Variants in RABL3 observed in about 807,000 individuals in gnomAD.
RABL3 encodes the protein rab-like protein 3.
RABL3 carries 31 observed loss-of-function variants against 31.8 expected under a neutral mutation model. That is an observed-to-expected ratio of 0.97 (90% CI 0.73 to 1.31). RABL3 has a LOEUF of 1.31. RABL3 is among the 40% of genes most tolerant of loss of function. The pLI is 0.00. For synonymous variants in RABL3, 97 were observed against 99.9 expected (o/e 0.97, Z 0.18); for missense variants, 263 against 279.6 (o/e 0.94, Z 0.42).
At chr3:120,697,309 C>T (rs889272996) in intron 5 of RABL3, among the ~76,000 whole-genome samples, 2 of 152,188 alleles carry the variant, frequency 1.3e-5, no homozygotes, top group Admixed American at 6.5e-5. Context: ...GGTCTTGTTA[C>T]GTCTCTCCTT....
intron 2 of RABL3, among the ~76,000 whole-genome samples, chr3:120,725,807 G>A: frequency 6.6e-6 from 1 of 152,102 alleles, no homozygotes; most frequent in African/African-American, 2.4e-5. Flanking sequence ...TGGGGAGGAG[G>A]GAGCGGGGAG....
intron 2 of RABL3, among the ~76,000 whole-genome samples, chr3:120,718,242 A>T (rs906798216): frequency 2.0e-5 from 3 of 152,174 alleles, no homozygotes; most frequent in African/African-American, 7.2e-5. Flanking sequence ...CCTCTCAGAT[A>T]GATGCTGTTC....
In RABL3 at chr3:120,685,399, G is replaced by T. The variant is rs6801736; in HGVS notation, c.*4424C>A. On this transcript the variant is annotated 3_prime_UTR_variant, in exon 8 of 8. Coordinates refer to ENST00000273375, the MANE Select transcript of RABL3 (RefSeq NM_173825.5). ...CCATTCTTTGTCATTAGTTATTGATGACCTCGGTAAAGCTTAGTGATTAGC... is the reference window on the plus strand; with the variant it reads ...CCATTCTTTGTCATTAGTTATTGATTACCTCGGTAAAGCTTAGTGATTAGC... Among the ~76,000 whole-genome samples the T allele has an allele frequency of 0.25, 38,420 of 152,066 alleles. 5,807 individuals carry two copies. The highest frequency in any genetic ancestry group is 0.42 in the African/African-American group (17,294 of 41,414).
chr3:120,713,091 T>C (rs1708630347), intron 2 of RABL3, among the ~76,000 whole-genome samples: 1 of 152,090 alleles, frequency 6.6e-6, no homozygotes, highest in Non-Finnish European at 1.5e-5. Flanking sequence ...GGACTATAAC[T>C]CCTCTGAGAA....
upstream of RABL3, chr3:120,742,574 A>G: frequency 6.6e-7 from 1 of 1,514,576 alleles, no homozygotes; most frequent in Non-Finnish European, 9.2e-7. Context: ...TTGGGCATGG[A>G]GGGCAGAGCC....
At chr3:120,730,291 C>A (rs1485520151) in intron 2 of RABL3, among the ~76,000 whole-genome samples, 1 of 152,186 alleles carries the variant, frequency 6.6e-6, no homozygotes, top group Non-Finnish European at 1.5e-5. Context: ...CAAGATGGAA[C>A]AAATGACCCA....
chr3:120,733,148 A>T (rs1281936630), intron 1 of RABL3, among the ~76,000 whole-genome samples: 2 of 152,186 alleles, frequency 1.3e-5, no homozygotes. Flanking sequence ...ACTCTCTTCC[A>T]CAATGGATGA....
At chr3:120,693,752 T>C (rs1444931615) in intron 6 of RABL3, among the ~76,000 whole-genome samples, 2 of 152,164 alleles carry the variant, frequency 1.3e-5, no homozygotes, top group Admixed American at 6.5e-5. Flanking sequence ...AACATTTATG[T>C]AGAGAATATT....
At chr3:120,729,129 A>C (rs1427768703) in intron 2 of RABL3, among the ~76,000 whole-genome samples, 1 of 152,192 alleles carries the variant, frequency 6.6e-6, no homozygotes, top group Non-Finnish European at 1.5e-5. Flanking sequence ...AACATTGTCC[A>C]TAGGCTCAGG....
At chr3:120,740,407 T>C (rs1231142050) in intron 1 of RABL3, among the ~76,000 whole-genome samples, 2 of 152,114 alleles carry the variant, frequency 1.3e-5, no homozygotes, top group East Asian at 1.9e-4. Context: ...ACTACAGGCG[T>C]GCACCACCAT....
chr3:120,692,229 T>G (rs1242876101), intron 6 of RABL3, among the ~76,000 whole-genome samples: 2 of 152,066 alleles, frequency 1.3e-5, no homozygotes, highest in East Asian at 3.9e-4. Context: ...GATGGAGTCC[T>G]GCTCTGTCAC....
chr3:120,742,400 G>A, intron 1 of RABL3, 62 bp downstream of exon 1: 1 of 1,506,124 alleles, frequency 6.6e-7, no homozygotes, highest in South Asian at 1.1e-5. Flanking sequence ...AGGAAGCTAA[G>A]GGGAGGGTTA....
At chr3:120,715,426 T>C (rs1404615414) in intron 2 of RABL3, among the ~76,000 whole-genome samples, 1 of 152,074 alleles carries the variant, frequency 6.6e-6, no homozygotes. Flanking sequence ...TAATCTCAGC[T>C]ACTCAGGAGG....
intron 2 of RABL3, among the ~76,000 whole-genome samples, chr3:120,719,151 T>C (rs902712220): frequency 5.3e-5 from 8 of 152,166 alleles, no homozygotes; most frequent in Non-Finnish European, 8.8e-5. Context: ...AATTACAAAA[T>C]ATACTTTGTT....
At chr3:120,707,558 T>C (rs1708563178) in intron 3 of RABL3, among the ~76,000 whole-genome samples, 1 of 152,104 alleles carries the variant, frequency 6.6e-6, no homozygotes. Flanking sequence ...GGGCACATGG[T>C]AAGTCAGAAT....
rs1012489763 is a variant in RABL3, at chr3:120,686,142, C to A, written c.*3681G>T. On this transcript the variant is annotated 3_prime_UTR_variant, in exon 8 of 8. Coordinates refer to ENST00000273375, the MANE Select transcript of RABL3 (RefSeq NM_173825.5). ...TCCTGCGACCCTTCCTCTCCCACCA[C>A]AGTGATTTAGCTCAGTCTTGGGACT... Among the ~76,000 whole-genome samples, 1 of 152,218 alleles carries A rather than the reference C, an allele frequency of 6.6e-6. No homozygotes were observed. Among genetic ancestry groups the A allele is most frequent in the Non-Finnish European group, 1.5e-5 (1 of 68,038 alleles).
chr3:120,719,176 A>AAATTTTTATC (rs1312581918), intron 2 of RABL3, among the ~76,000 whole-genome samples: 2 of 152,360 alleles, frequency 1.3e-5, no homozygotes, highest in East Asian at 3.9e-4. Context: ...AGTGCATATG[A>AAATTTTTATC]AATTTTTATC....
chr3:120,709,320 C>A (rs917902514), intron 3 of RABL3, among the ~76,000 whole-genome samples: 1 of 151,748 alleles, frequency 6.6e-6, no homozygotes, highest in Admixed American at 6.6e-5. Context: ...CCATAAAGAC[C>A]CCCTTAAGCA....
In RABL3 at chr3:120,685,366, T is replaced by C. The variant is rs147755660; in HGVS notation, c.*4457A>G. ...GAGGTTTTACACCTTGGTTGGAGTT[T>C]AGGGGTTCCATTCTTTGTCATTAGT... On this transcript the variant is annotated 3_prime_UTR_variant, in exon 8 of 8. Transcript: ENST00000273375. Among the ~76,000 whole-genome samples, 1,119 of 152,302 alleles carry C rather than the reference T, an allele frequency of 7.3e-3. 13 individuals carry two copies. Among genetic ancestry groups the C allele is most frequent in the African/African-American group, 0.025 (1,051 of 41,548 alleles).
Sources: gnomAD v4.1 joint callset for allele counts (sites outside exome capture counted in the v4.1 genomes callset) on GRCh38, gnomAD v4.1.1 for gene constraint, MANE v1.5 for transcripts, NCBI Gene and HGNC (gene_info 2026-07-23, HGNC 2026-07-21) for gene names.